TSPAN7: variants seen among roughly 807,000 people sequenced by gnomAD.
TSPAN7 encodes the protein tetraspanin-7.
A neutral mutation model predicts 17.6 loss-of-function variants in TSPAN7; 1 was observed. That is an observed-to-expected ratio of 0.06 (90% CI 0.02 to 0.27). The LOEUF (loss-of-function observed/expected upper bound fraction) is 0.27, where lower values mean the gene tolerates loss of function less well. TSPAN7 is among the 10% of genes least tolerant of loss of function. TSPAN7 has a pLI of 1.00. For synonymous variants in TSPAN7, 78 were observed against 79.0 expected (o/e 0.99, Z 0.07); for missense variants, 112 against 201.7 (o/e 0.56, Z 2.69).
chrX:38,589,651 A>G (rs905927717), intron 1 of TSPAN7, among the ~76,000 whole-genome samples: 5 of 112,143 alleles, frequency 4.5e-5, no homozygotes, highest in Non-Finnish European at 9.4e-5. Flanking sequence ...GGTAAATGAT[A>G]TATACCTTTT....
chrX:38,565,011 G>C (rs143349063), intron 1 of TSPAN7, among the ~76,000 whole-genome samples: 183 of 110,502 alleles, frequency 1.7e-3, no homozygotes, highest in African/African-American at 5.6e-3. Flanking sequence ...TATGCTTTTG[G>C]TGTCATATTT....
At chrX:38,669,442 T>C (rs2069805964) in intron 2 of TSPAN7, among the ~76,000 whole-genome samples, 1 of 111,956 alleles carries the variant, frequency 8.9e-6, no homozygotes, top group Admixed American at 9.5e-5. Flanking sequence ...AACCCTTGTA[T>C]GTTTCCTTCC....
intron 1 of TSPAN7, among the ~76,000 whole-genome samples, chrX:38,577,849 G>A (rs1454396830): frequency 5.4e-5 from 6 of 110,248 alleles, no homozygotes; most frequent in African/African-American, 1.6e-4. Context: ...AGGGGCAGAA[G>A]GAGAAAGTGA....
intron 1 of TSPAN7, among the ~76,000 whole-genome samples, chrX:38,604,587 T>C (rs2069366578): frequency 9.0e-6 from 1 of 111,397 alleles, no homozygotes; most frequent in African/African-American, 3.3e-5. Flanking sequence ...TGGTATCTCA[T>C]TGTGGTTTTG....
intron 1 of TSPAN7, among the ~76,000 whole-genome samples, chrX:38,570,131 G>A (rs1412541551): frequency 9.0e-6 from 1 of 111,458 alleles, no homozygotes; most frequent in Non-Finnish European, 1.9e-5. Context: ...AGTCCCATGT[G>A]TCTTCTGACC....
intron 1 of TSPAN7, among the ~76,000 whole-genome samples, chrX:38,658,547 G>A (rs980223434): frequency 8.1e-5 from 9 of 111,444 alleles, no homozygotes; most frequent in African/African-American, 2.3e-4. Context: ...CATATTGGCA[G>A]CCACCTTTAT....
chrX:38,573,125 T>C (rs1458390102), intron 1 of TSPAN7, among the ~76,000 whole-genome samples: 1 of 111,865 alleles, frequency 8.9e-6, no homozygotes, highest in Non-Finnish European at 1.9e-5. Context: ...ACATTATTCC[T>C]TAGGGTGTAA....
chrX:38,639,420 A>G (rs899672073), intron 1 of TSPAN7, among the ~76,000 whole-genome samples: 2 of 105,494 alleles, frequency 1.9e-5, no homozygotes, highest in African/African-American at 7.0e-5. Flanking sequence ...GCCACTTTAC[A>G]TCGTCTGATT....
chrX:38,625,045 G>T (rs922552160), intron 1 of TSPAN7, among the ~76,000 whole-genome samples: 2 of 112,056 alleles, frequency 1.8e-5, no homozygotes, highest in African/African-American at 6.5e-5. Context: ...AAGATATAAA[G>T]ATGAAAAATA....
rs1011845018 is a variant in TSPAN7, at chrX:38,643,538, T to A, written c.82-22583T>A. 2.7e-5 allele frequency among the ~76,000 whole-genome samples: 3 copies of A among 109,495 alleles called. No individual in the cohort carries two copies. The Admixed American group carries it at 2.9e-4, about 11-fold the overall frequency. On this transcript the variant is annotated intron_variant, in intron 1 of 7. Coordinates refer to ENST00000378482, the MANE Select transcript of TSPAN7 (RefSeq NM_004615.4). ...AAGTATAGGTTAAGGAGTGAAATTT[T>A]AAAAAATTTAAACCAGGGCCGGGCA...
At chrX:38,622,074 C>T (rs1032024144) in intron 1 of TSPAN7, among the ~76,000 whole-genome samples, 1 of 112,524 alleles carries the variant, frequency 8.9e-6, no homozygotes, top group African/African-American at 3.2e-5. Flanking sequence ...TCTGTATCCC[C>T]GAGGTGAGTC....
intron 1 of TSPAN7, among the ~76,000 whole-genome samples, chrX:38,628,437 T>G (rs2069533772): frequency 8.9e-6 from 1 of 112,334 alleles, no homozygotes; most frequent in Non-Finnish European, 1.9e-5. Context: ...TCCAGTCCTC[T>G]TTTACTGAGC....
intron 1 of TSPAN7, among the ~76,000 whole-genome samples, chrX:38,569,115 T>A (rs1174530724): frequency 9.0e-6 from 1 of 111,322 alleles, no homozygotes; most frequent in Non-Finnish European, 1.9e-5. Flanking sequence ...CTTTTTTCTG[T>A]ACGTGTTTAA....
At chrX:38,571,362 C>A (rs2069168687) in intron 1 of TSPAN7, among the ~76,000 whole-genome samples, 1 of 111,268 alleles carries the variant, frequency 9.0e-6, no homozygotes, top group Non-Finnish European at 1.9e-5. Flanking sequence ...GGACAGAGTG[C>A]CAGAATTGAT....
At chrX:38,586,998 C>A (rs2069261804) in intron 1 of TSPAN7, among the ~76,000 whole-genome samples, 1 of 112,469 alleles carries the variant, frequency 8.9e-6, no homozygotes, top group Non-Finnish European at 1.9e-5. Flanking sequence ...GTGTCTAATG[C>A]AAAAGTTTTC....
chrX:38,596,100 G>A (rs969250768), intron 1 of TSPAN7, among the ~76,000 whole-genome samples: 1 of 111,346 alleles, frequency 9.0e-6, no homozygotes, highest in Non-Finnish European at 1.9e-5. Flanking sequence ...TGTATTCTGT[G>A]TATCTGGGGG....
intron 1 of TSPAN7, among the ~76,000 whole-genome samples, chrX:38,605,279 G>C (rs1351389466): frequency 1.8e-5 from 2 of 110,697 alleles, no homozygotes; most frequent in Non-Finnish European, 3.8e-5. Context: ...GACAAACAGA[G>C]AGCCAAATCA....
intron 1 of TSPAN7, among the ~76,000 whole-genome samples, chrX:38,587,576 T>C (rs2069265497): frequency 9.0e-6 from 1 of 111,731 alleles, no homozygotes; most frequent in Non-Finnish European, 1.9e-5. Flanking sequence ...ACAGGTAGCT[T>C]GTGACTGATA....
At chrX:38,566,406 A>G in intron 1 of TSPAN7, 1 of 789,007 alleles carries the variant, frequency 1.3e-6, no homozygotes, top group Non-Finnish European at 1.6e-6. Context: ...GGCTTATAGT[A>G]GGTTTACTCA....
Sources: gnomAD v4.1 joint callset for allele counts (sites outside exome capture counted in the v4.1 genomes callset) on GRCh38, gnomAD v4.1.1 for gene constraint, MANE v1.5 for transcripts, NCBI Gene and HGNC (gene_info 2026-07-23, HGNC 2026-07-21) for gene names.